FBXW2: variants seen among roughly 807,000 people sequenced by gnomAD.
FBXW2 encodes the protein F-box/WD repeat-containing protein 2.
In FBXW2, 12 loss-of-function variants were observed where a neutral mutation model predicts 46.0. The observed-to-expected ratio is 0.26, with a 90% CI of 0.17 to 0.42. FBXW2 has a LOEUF of 0.42. FBXW2 is among the 10% of genes least tolerant of loss of function. The probability of loss-of-function intolerance (pLI) is 1.00; values close to 1 mark genes in which losing one functional copy is unlikely to be tolerated. For missense variants in FBXW2, 360 were observed against 537.0 expected, an observed-to-expected ratio of 0.67 and a Z score of 3.26; for synonymous variants, 203 against 209.6, an observed-to-expected ratio of 0.97 and a Z score of 0.27.
At position 120,760,585 on chromosome 9, in the gene FBXW2, G is replaced by C; in HGVS notation, c.*3974C>G. The C allele has an allele frequency of 6.6e-6, 1 of 152,276 alleles. No individual in the cohort carries two copies. The highest frequency in any genetic ancestry group is 1.9e-4 in the East Asian group (1 of 5,200). 9.4% of individuals were successfully genotyped at this position (152,276 alleles called of 1,614,324 possible). A position where few individuals can be genotyped will look rare whatever the true frequency, so the allele number is the denominator to read the frequency against. On this transcript the variant is annotated 3_prime_UTR_variant, in exon 8 of 8. Coordinates refer to ENST00000608872, the MANE Select transcript of FBXW2 (RefSeq NM_012164.4). Reference sequence around the variant, plus strand: ...TGAGGTTGCAGTAAGCCGAGATCACGCCACTGCACTCCAGCCTGGGGATAG... The same window carrying C: ...TGAGGTTGCAGTAAGCCGAGATCACCCCACTGCACTCCAGCCTGGGGATAG...
At position 120,771,451 on chromosome 9, in the gene FBXW2, T is replaced by G. The variant is rs1160340272; in HGVS notation, c.973A>C (p.Ser325Arg). 7 of 1,614,098 alleles carry G rather than the reference T, an allele frequency of 4.3e-6. No individual in the cohort carries two copies. The Admixed American group carries it at 5.0e-5, about 12-fold the overall frequency. The change falls in exon 7 of 8, where the codon AGT (serine) becomes CGT (arginine). Residue 325 changes from serine to arginine, a missense_variant. Coordinates refer to ENST00000608872, the MANE Select transcript of FBXW2 (RefSeq NM_012164.4). Reference protein sequence around the residue: ...LKTLSVSEDRSICLQPRLHFD... With the variant: ...LKTLSVSEDRRICLQPRLHFD... ...TGAAGTCTTGGCTGCAGGCAGATACTTCTATCCTCAGAGACAGACAATGTC... is the reference window on the plus strand; with the variant it reads ...TGAAGTCTTGGCTGCAGGCAGATACGTCTATCCTCAGAGACAGACAATGTC...
chr9:120,770,299 C>T (rs1299851919), intron 7 of FBXW2, among the ~76,000 whole-genome samples: 1 of 151,678 alleles, frequency 6.6e-6, no homozygotes, highest in Non-Finnish European at 1.5e-5. Context: ...TGGTGTGAAC[C>T]CTGGAGGCGG....
chr9:120,773,329 G>A (rs1394023898), intron 5 of FBXW2, among the ~76,000 whole-genome samples: 2 of 152,172 alleles, frequency 1.3e-5, no homozygotes, highest in African/African-American at 2.4e-5. Flanking sequence ...CGTAGACACT[G>A]ACGTAGATGC....
At chr9:120,786,887 T>C (rs2044734152) in intron 3 of FBXW2, among the ~76,000 whole-genome samples, 1 of 152,206 alleles carries the variant, frequency 6.6e-6, no homozygotes, top group Non-Finnish European at 1.5e-5. Context: ...TTTTAATAAT[T>C]ATATTGTTTC....
At chr9:120,765,752 C>T (rs1444779424) in intron 7 of FBXW2, among the ~76,000 whole-genome samples, 1 of 151,918 alleles carries the variant, frequency 6.6e-6, no homozygotes, top group Non-Finnish European at 1.5e-5. Context: ...TCCCAAATAA[C>T]TTAGAAACAT....
In FBXW2 at chr9:120,778,549, C is replaced by T. The variant is rs773167512; in HGVS notation, c.491-4G>A. On this transcript the variant is annotated splice_polypyrimidine_tract_variant and splice_region_variant and intron_variant, in intron 3 of 7. Coordinates refer to ENST00000608872, the MANE Select transcript of FBXW2 (RefSeq NM_012164.4). ...TTTGCAGACAAGTCATCTGACCCTT[C>T]AAGAGAAAAACAGGGAGGTTAATAA... 1 of 1,608,080 alleles carries T rather than the reference C, an allele frequency of 6.2e-7. No homozygotes were observed. The highest frequency in any genetic ancestry group is 8.5e-7 in the Non-Finnish European group (1 of 1,176,932).
intron 5 of FBXW2, among the ~76,000 whole-genome samples, chr9:120,775,169 CCT>C (rs1026589389): frequency 7.9e-5 from 12 of 152,056 alleles, no homozygotes; most frequent in South Asian, 4.1e-4. Context: ...AGTTAATTCC[CCT>C]GTCTCAGCCT....
chr9:120,788,347 G>T, intron 2 of FBXW2, 69 bp from the exon 3 acceptor site: 2 of 1,420,358 alleles, frequency 1.4e-6, no homozygotes, highest in Non-Finnish European at 1.9e-6. Context: ...GCTAACAAAT[G>T]AAGTATTAAA....
chr9:120,783,980 A>C (rs2044668173), intron 3 of FBXW2, among the ~76,000 whole-genome samples: 1 of 152,208 alleles, frequency 6.6e-6, no homozygotes, highest in African/African-American at 2.4e-5. Flanking sequence ...CTTAAGTAAC[A>C]AGATGACACA....
At chr9:120,773,399 AG>A (rs1564453981) in intron 5 of FBXW2, among the ~76,000 whole-genome samples, 1 of 152,234 alleles carries the variant, frequency 6.6e-6, no homozygotes, top group African/African-American at 2.4e-5. Context: ...ACTTGGGACC[AG>A]AATCTGCCAT....
chr9:120,783,013 C>A (rs1321610163), intron 3 of FBXW2, among the ~76,000 whole-genome samples: 1 of 151,896 alleles, frequency 6.6e-6, no homozygotes, highest in Admixed American at 6.6e-5. Context: ...GATGACTGCA[C>A]AACAACGTAA....
intron 4 of FBXW2, among the ~76,000 whole-genome samples, chr9:120,778,039 C>A (rs2044534792): frequency 6.6e-6 from 1 of 151,452 alleles, no homozygotes; most frequent in Non-Finnish European, 1.5e-5. Flanking sequence ...AAGGGACTGT[C>A]TGTTCAATAG....
chr9:120,764,998 A>T, intron 7 of FBXW2, 151 bp from the exon 8 acceptor site: 1 of 651,798 alleles, frequency 1.5e-6, no homozygotes, highest in Admixed American at 3.3e-5. Flanking sequence ...TATAAGGAGA[A>T]AAGCTCAGCC....
intron 3 of FBXW2, among the ~76,000 whole-genome samples, chr9:120,782,093 A>C (rs558862377): frequency 6.6e-6 from 1 of 152,232 alleles, no homozygotes; most frequent in South Asian, 2.1e-4. Flanking sequence ...CATCATGCTA[A>C]GTGAACTAAG....
intron 3 of FBXW2, among the ~76,000 whole-genome samples, chr9:120,783,464 T>A (rs1157850126): frequency 3.3e-5 from 5 of 152,046 alleles, no homozygotes; most frequent in East Asian, 3.8e-4. Context: ...AATAATACTT[T>A]AAAAAAAATC....
chr9:120,788,908 C>T (rs1238401302), intron 2 of FBXW2, among the ~76,000 whole-genome samples: 1 of 152,038 alleles, frequency 6.6e-6, no homozygotes, highest in African/African-American at 2.4e-5. Context: ...CTGGTTCTTC[C>T]AACTTCTTTA....
At chr9:120,786,341 C>T (rs868209534) in intron 3 of FBXW2, among the ~76,000 whole-genome samples, 1 of 152,272 alleles carries the variant, frequency 6.6e-6, no homozygotes, top group Middle Eastern at 3.4e-3. Flanking sequence ...ATAAGGGCCT[C>T]TTCCTGCTTC....
At chr9:120,786,771 T>C (rs904932537) in intron 3 of FBXW2, among the ~76,000 whole-genome samples, 5 of 152,216 alleles carry the variant, frequency 3.3e-5, no homozygotes, top group African/African-American at 9.6e-5. Flanking sequence ...CTAAGAATTA[T>C]TTACATTGCC....
chr9:120,772,539 T>C (rs181327607), intron 6 of FBXW2, among the ~76,000 whole-genome samples: 3 of 152,290 alleles, frequency 2.0e-5, no homozygotes, highest in Admixed American at 1.3e-4. Flanking sequence ...CATAAATTTA[T>C]GTGAATTTCT....
Sources: gnomAD v4.1 joint callset for allele counts (sites outside exome capture counted in the v4.1 genomes callset) on GRCh38, gnomAD v4.1.1 for gene constraint, MANE v1.5 for transcripts, NCBI Gene and HGNC (gene_info 2026-07-23, HGNC 2026-07-21) for gene names.